The following DCAF16 variants were observed in gnomAD, a reference collection of about 807,000 sequenced individuals.
DCAF16 encodes the protein DDB1 and CUL4 associated factor 16.
A neutral mutation model predicts 17.3 loss-of-function variants in DCAF16; 10 were observed. The ratio of observed to expected loss-of-function variants is 0.58; its 90% confidence interval spans 0.36 to 0.98. The LOEUF is 0.98. Among genes scored for constraint, DCAF16 ranks in the 50% least tolerant of loss-of-function variants. DCAF16 has a pLI of 0.01. For missense variants in DCAF16, 249 were observed against 247.6 expected, an observed-to-expected ratio of 1.01 and a Z score of -0.04; for synonymous variants, 111 against 92.8, an observed-to-expected ratio of 1.20 and a Z score of -1.12.
intron 1 of DCAF16, chr4:17,809,397 C>A (rs890802501): frequency 6.6e-6 from 1 of 152,200 alleles, no homozygotes; most frequent in Non-Finnish European, 1.5e-5. Context: ...TATAATTATT[C>A]ATTTAACGGT....
At chr4:17,796,666 C>T (rs1719441900), downstream of DCAF16, among the ~76,000 whole-genome samples, 1 of 152,190 alleles carries the variant, frequency 6.6e-6, no homozygotes, top group African/African-American at 2.4e-5. Context: ...GAGATCGCAC[C>T]ACTGCGTTCC....
At chr4:17,795,715 C>T (rs955251224), downstream of DCAF16, among the ~76,000 whole-genome samples, 2 of 152,142 alleles carry the variant, frequency 1.3e-5, no homozygotes, top group African/African-American at 4.8e-5. Flanking sequence ...ATATTCCTTT[C>T]TGAGAATATC....
chr4:17,803,271 C>T lies in DCAF16; in HGVS notation c.*220G>A, dbSNP rs1177403433. ...AACTTCTGACTTCAGCAGATCCACC[C>T]GCCTCAGCCTCCCAAAGTGCTGGGA... On this transcript the variant is annotated 3_prime_UTR_variant, in exon 3 of 3. Transcript: ENST00000382247. 2.1e-5 allele frequency: 11 copies of T among 522,860 alleles called. No homozygotes were observed. The highest frequency in any genetic ancestry group is 3.4e-5 in the Admixed American group (1 of 29,466). 32.4% of individuals were successfully genotyped at this position (522,860 alleles called of 1,614,324 possible).
In DCAF16 at chr4:17,804,016, C is replaced by T. The variant is rs1302602152; in HGVS notation, c.126G>A (p.Met42Ile). Residue 42 changes from methionine (M) to isoleucine (I), a missense_variant, in exon 3 of 3, where the codon ATG becomes ATA. Transcript: ENST00000382247. ...TCTCAAGAGGCGATAAGTTGGGCAC[C>T]ATAGAGTCCTCTTCTTCAGAGGAAT... is the stretch of plus-strand genomic sequence containing the variant. ...EWDSSEEEDS[M>I]VPNLSPLESL... The T allele has an allele frequency of 1.2e-6, 2 of 1,614,162 alleles. No homozygotes were observed. Among genetic ancestry groups the T allele is most frequent in the East Asian group, 2.2e-5 (1 of 44,882 alleles).
chr4:17,798,447 T>A (rs1719531934), downstream of DCAF16, among the ~76,000 whole-genome samples: 1 of 151,428 alleles, frequency 6.6e-6, no homozygotes, highest in South Asian at 2.1e-4. Context: ...AATACAAAAA[T>A]TGGCCTGTGT....
chr4:17,800,257 T>C (rs191775873), downstream of DCAF16, among the ~76,000 whole-genome samples: 3 of 152,148 alleles, frequency 2.0e-5, no homozygotes, highest in Admixed American at 1.3e-4. Flanking sequence ...TTTCTATAAA[T>C]AGAGGATAAA....
chr4:17,798,009 T>G (rs1430500735), downstream of DCAF16, among the ~76,000 whole-genome samples: 1 of 152,204 alleles, frequency 6.6e-6, no homozygotes, highest in South Asian at 2.1e-4. Flanking sequence ...TCATCTGGTT[T>G]CTGTTGCTAA....
At position 17,804,189 on chromosome 4, in the gene DCAF16, A is replaced by G. The variant is rs1720086010; in HGVS notation, c.-48T>C. Reference sequence around the variant, plus strand: ...CCAGAAAAAGGTAATAATCTAAGCCAGCAGAACACTGACTAACACTGGCAA... The same window carrying G: ...CCAGAAAAAGGTAATAATCTAAGCCGGCAGAACACTGACTAACACTGGCAA... On this transcript the variant is annotated 5_prime_UTR_variant, in exon 3 of 3. Transcript: ENST00000382247. The G allele has an allele frequency of 2.0e-6, 3 of 1,469,896 alleles. No homozygotes were observed. The highest frequency in any genetic ancestry group is 2.9e-5 in the African/African-American group (2 of 69,894). 91.1% of individuals were successfully genotyped at this position (1,469,896 alleles called of 1,614,324 possible). A position where few individuals can be genotyped will look rare whatever the true frequency, so the allele number is the denominator to read the frequency against.
rs771637841 is a variant in DCAF16 at position 17,810,729 on chromosome 4, C to G, written c.-1032G>C. 60 of 201,976 alleles carry G rather than the reference C, an allele frequency of 3.0e-4. 1 individual carries two copies. The highest frequency in any genetic ancestry group is 5.1e-4 in the Non-Finnish European group (52 of 101,046). 12.5% of individuals were successfully genotyped at this position (201,976 alleles called of 1,614,324 possible). On this transcript the variant is annotated 5_prime_UTR_variant, in exon 1 of 3. Transcript: ENST00000382247. ...TTCCCCTCCGGTGGCAAGGCCACTC[C>G]GCTCAGCTCCCGCGCCGACGCTACT...
downstream of DCAF16, chr4:17,800,635 G>C (rs1719674625): frequency 6.6e-6 from 1 of 152,598 alleles, no homozygotes; most frequent in Admixed American, 6.5e-5. Context: ...CATTTGTTGA[G>C]GACAAATGAC....
chr4:17,808,943 C>T (rs1720578538), intron 1 of DCAF16, among the ~76,000 whole-genome samples: 1 of 152,110 alleles, frequency 6.6e-6, no homozygotes, highest in African/African-American at 2.4e-5. Flanking sequence ...GCGGGAGAAT[C>T]GCTTCAACCC....
At position 17,802,658 on chromosome 4, in the gene DCAF16, AAAAAT is replaced by A. The variant is rs1354243230; in HGVS notation, c.*828_*832del. The A allele has an allele frequency of 6.7e-6, 1 of 150,292 alleles. No individual in the cohort carries two copies. The highest frequency in any genetic ancestry group is 1.5e-5 in the Non-Finnish European group (1 of 67,524). 9.3% of individuals were successfully genotyped at this position (150,292 alleles called of 1,614,324 possible). The stretch of plus-strand genomic sequence containing the variant: ...ACTACCTCAAAAAAAAAAAAAAAGA[AAAAAT>A]AAAAGGAACCCTAAAGAGTGTCATA... On this transcript the variant is annotated 3_prime_UTR_variant, in exon 3 of 3. Coordinates refer to ENST00000382247, the MANE Select transcript of DCAF16 (RefSeq NM_017741.4).
chr4:17,795,346 G>A, the DCAF16 span, among the ~76,000 whole-genome samples: 2 of 151,778 alleles, frequency 1.3e-5, no homozygotes, highest in African/African-American at 4.9e-5. Context: ...TCCTAACAAT[G>A]TGCTTTGGTA....
At position 17,803,371 on chromosome 4, in the gene DCAF16, T is replaced by C. The variant is rs373827731; in HGVS notation, c.*120A>G. 71 of 966,712 alleles carry C rather than the reference T, an allele frequency of 7.3e-5. No homozygotes were observed. In the African/African-American group the frequency reaches 7.7e-4, roughly 10 times the overall value. The allele number at this position is 966,712 out of a possible 1,614,324, so 59.9% of individuals were successfully genotyped here. On this transcript the variant is annotated 3_prime_UTR_variant, in exon 3 of 3. Transcript: ENST00000382247. ...CAGGGTTTGTCAAAGGGTATCCTCA[T>C]TGGCTTGCCAGGGCATAAGAGAGTT...
intron 1 of DCAF16, among the ~76,000 whole-genome samples, 153 bp downstream of exon 1, chr4:17,810,294 C>A (rs1267292222): frequency 6.6e-6 from 1 of 152,234 alleles, no homozygotes; most frequent in African/African-American, 2.4e-5. Flanking sequence ...AGGGCCTACA[C>A]AGCTGCACAT....
chr4:17,808,930 G>A (rs1720576520), intron 1 of DCAF16, among the ~76,000 whole-genome samples: 1 of 152,330 alleles, frequency 6.6e-6, no homozygotes, highest in East Asian at 1.9e-4. Context: ...TTGGGAGACT[G>A]AGGCGGGAGA....
In DCAF16 at chr4:17,803,055, CG is replaced by C. The variant is rs1719942042; in HGVS notation, c.*435del. 1 of 156,620 alleles carries C rather than the reference CG, an allele frequency of 6.4e-6. No individual in the cohort carries two copies. Among genetic ancestry groups the C allele is most frequent in the Non-Finnish European group, 1.4e-5 (1 of 71,142 alleles). The allele number at this position is 156,620 out of a possible 1,614,324, so 9.7% of individuals were successfully genotyped here. On this transcript the variant is annotated 3_prime_UTR_variant, in exon 3 of 3. Coordinates refer to ENST00000382247, the MANE Select transcript of DCAF16 (RefSeq NM_017741.4). ...CTTTTTTTTTTTTGAGACTGAGTCT[CG>C]CTCTGTCACCCAGGCTGGAGTACAG...
chr4:17,807,621 C>T (rs1410194561), intron 1 of DCAF16, among the ~76,000 whole-genome samples: 2 of 152,156 alleles, frequency 1.3e-5, no homozygotes, highest in African/African-American at 2.4e-5. Flanking sequence ...TGAAGATATA[C>T]CCTGAAGCTA....
At chr4:17,796,884 GAAAT>G (rs1357520824), downstream of DCAF16, among the ~76,000 whole-genome samples, 12 of 152,140 alleles carry the variant, frequency 7.9e-5, no homozygotes. Flanking sequence ...ACAGTTCTAA[GAAAT>G]AAATAAATAA....
Sources: allele counts gnomAD v4.1 joint callset (sites outside exome capture counted in the v4.1 genomes callset), GRCh38; gene constraint gnomAD v4.1.1; transcripts MANE v1.5; gene names NCBI Gene and HGNC (gene_info 2026-07-23, HGNC 2026-07-21).